Variants in XRN2 observed in about 807,000 individuals in gnomAD.
The protein encoded by XRN2 is 5'-3' exoribonuclease 2, also known as DHM1-like protein.
Under a neutral mutation model 138.5 loss-of-function variants are expected in XRN2, and 44 were observed. That is an observed-to-expected ratio of 0.32 (90% CI 0.25 to 0.41). The LOEUF is 0.41. Among genes scored for constraint, XRN2 ranks in the 10% least tolerant of loss-of-function variants. The pLI, the probability that XRN2 is intolerant of heterozygous loss-of-function variation, is 1.00. For synonymous variants in XRN2, 354 were observed against 369.4 expected (o/e 0.96, Z 0.48); for missense variants, 937 against 1,169.3 (o/e 0.80, Z 2.90).
chr20:21,321,230 C>T (rs2038038404), intron 1 of XRN2, among the ~76,000 whole-genome samples: 1 of 149,576 alleles, frequency 6.7e-6, no homozygotes, highest in Non-Finnish European at 1.5e-5. Flanking sequence ...TGATCCCAAA[C>T]TCCTGGGCTC....
Position 21,344,255 on chromosome 20 carries a change from G to A in XRN2, c.1529+47G>A, listed in dbSNP as rs543222276. 1.4e-6 allele frequency: 2 copies of A among 1,411,822 alleles called. 1 individual carries two copies. Among genetic ancestry groups the A allele is most frequent in the South Asian group, 2.3e-5 (2 of 86,270 alleles). 87.5% of individuals were successfully genotyped at this position (1,411,822 alleles called of 1,614,324 possible). ...ACTTTGTTAGCAAATTGCTGAAATA[G>A]ATGCAGTCTAATTAATGCTATTTAG... On this transcript the variant is annotated intron_variant, in intron 16 of 29. Transcript: ENST00000377191.
At chr20:21,332,181 C>A in intron 8 of XRN2, 102 bp from the exon 9 acceptor site, 1 of 1,391,356 alleles carries the variant, frequency 7.2e-7, no homozygotes, top group Non-Finnish European at 9.6e-7. Context: ...CATTTGGGTG[C>A]TCATTTGGGC....
chr20:21,372,917 A>G (rs1040559685), intron 27 of XRN2, among the ~76,000 whole-genome samples: 7 of 152,148 alleles, frequency 4.6e-5, no homozygotes, highest in Non-Finnish European at 2.9e-5. Flanking sequence ...TTAAAAAGCT[A>G]TTACATGACT....
chr20:21,328,712 G>A, intron 4 of XRN2, 42 bp downstream of exon 4: 2 of 1,582,084 alleles, frequency 1.3e-6, no homozygotes, highest in Non-Finnish European at 1.7e-6. Context: ...TTCATAAGAT[G>A]TATGCAGAAT....
intron 28 of XRN2, among the ~76,000 whole-genome samples, chr20:21,382,758 C>T (rs952995780): frequency 2.6e-5 from 4 of 152,198 alleles, no homozygotes; most frequent in East Asian, 1.9e-4. Flanking sequence ...CTCCTAAGTC[C>T]GATGGACTCT....
intron 9 of XRN2, among the ~76,000 whole-genome samples, chr20:21,332,749 C>T (rs1049876720): frequency 1.3e-4 from 20 of 152,056 alleles, no homozygotes; most frequent in African/African-American, 3.9e-4. Flanking sequence ...AAAACATGCA[C>T]ACACTCATCC....
At chr20:21,351,258 C>A (rs1238517630) in intron 20 of XRN2, among the ~76,000 whole-genome samples, 4 of 152,120 alleles carry the variant, frequency 2.6e-5, no homozygotes, top group Non-Finnish European at 5.9e-5. Flanking sequence ...TCCTCTCCAA[C>A]ATTTGTTATT....
intron 27 of XRN2, among the ~76,000 whole-genome samples, chr20:21,370,724 C>T (rs181664673): frequency 4.1e-4 from 63 of 152,262 alleles, no homozygotes; most frequent in African/African-American, 1.3e-3. Context: ...ATTAACATGG[C>T]ATTTGGATTG....
chr20:21,383,803 CCAGCAGGTTAGTGACAAGT>C (rs2038910721), intron 28 of XRN2, among the ~76,000 whole-genome samples: 1 of 152,106 alleles, frequency 6.6e-6, no homozygotes, highest in Non-Finnish European at 1.5e-5. Flanking sequence ...CTTTGTGAAC[CCAGCAGGTTAGTGACAAGT>C]TTTGTGGGAA....
At chr20:21,358,498 A>G (rs2038600700) in intron 24 of XRN2, among the ~76,000 whole-genome samples, 1 of 152,194 alleles carries the variant, frequency 6.6e-6, no homozygotes, top group Non-Finnish European at 1.5e-5. Context: ...GACTAAAGCA[A>G]ACACATCTCA....
chr20:21,373,412 A>G (rs2038784310), intron 27 of XRN2, among the ~76,000 whole-genome samples: 1 of 152,232 alleles, frequency 6.6e-6, no homozygotes, highest in South Asian at 2.1e-4. Flanking sequence ...AGGTTGCTGG[A>G]TTGGACTGCT....
In XRN2 at chr20:21,365,643, C is replaced by G. The variant is rs1352146116; in HGVS notation, c.2395C>G (p.Leu799Val). 27 of 1,613,270 alleles carry G rather than the reference C, an allele frequency of 1.7e-5. No individual in the cohort carries two copies. The highest frequency in any genetic ancestry group is 2.3e-5 in the Non-Finnish European group (27 of 1,179,942). The part of the protein sequence containing the change: ...SSNGRQWKPQ[L>V]GFNRDRRPVH... ...CAATGGACGGCAGTGGAAGCCTCAG[C>G]TTGGCTTTAACCGTGACCGGAGGCC... Residue 799 changes from leucine to valine, a missense_variant, in exon 26 of 30, where the codon CTT (leucine) becomes GTT (valine). Leu to Val is a conservative substitution (Grantham distance 32). This residue lies in a region of XRN2 where 372 missense variants were observed against 414.4 expected (regional missense o/e 0.90). Coordinates refer to ENST00000377191, the MANE Select transcript of XRN2 (RefSeq NM_012255.5).
At chr20:21,338,592 G>C (rs1206357407) in intron 13 of XRN2, among the ~76,000 whole-genome samples, 1 of 152,124 alleles carries the variant, frequency 6.6e-6, no homozygotes, top group Non-Finnish European at 1.5e-5. Flanking sequence ...TTAGATAACA[G>C]AGTCTAATTA....
At chr20:21,334,947 C>G (rs1372188076) in intron 13 of XRN2, among the ~76,000 whole-genome samples, 3 of 152,124 alleles carry the variant, frequency 2.0e-5, no homozygotes, top group South Asian at 2.1e-4. Context: ...ATTTGAGAAC[C>G]ATTAACTAAT....
intron 24 of XRN2, among the ~76,000 whole-genome samples, chr20:21,363,745 C>G (rs2038663368): frequency 1.3e-5 from 2 of 152,114 alleles, no homozygotes; most frequent in African/African-American, 4.8e-5. Flanking sequence ...TCAACCAGGT[C>G]AATAAAACTT....
chr20:21,387,017 G>T lies in XRN2; in HGVS notation c.2787+11G>T. 6.2e-7 allele frequency: 1 copy of T among 1,602,838 alleles called. No individual in the cohort carries two copies. Among genetic ancestry groups the T allele is most frequent in the Non-Finnish European group, 8.5e-7 (1 of 1,170,722 alleles). ...CGTGGAGGGAGACAGGTAAATGGTT[G>T]TGGGATGAAAAGTATACTGCTCACT... On this transcript the variant is annotated intron_variant, in intron 29 of 29. Coordinates refer to ENST00000377191, the MANE Select transcript of XRN2 (RefSeq NM_012255.5).
intron 15 of XRN2, among the ~76,000 whole-genome samples, chr20:21,343,745 C>T (rs1161026383): frequency 6.6e-6 from 1 of 151,728 alleles, no homozygotes; most frequent in Admixed American, 6.6e-5. Flanking sequence ...CTGATTGTCA[C>T]AAATGATTGT....
chr20:21,386,868 A>C lies in XRN2; in HGVS notation c.2649A>C (p.Arg883Ser). The C allele has an allele frequency of 6.2e-7, 1 of 1,609,530 alleles. No individual in the cohort carries two copies. Among genetic ancestry groups the C allele is most frequent in the Non-Finnish European group, 8.5e-7 (1 of 1,176,238 alleles). Residue 883 changes from arginine to serine, a missense_variant and splice_region_variant, in exon 29 of 30, where the codon AGA becomes AGC. Coordinates refer to ENST00000377191, the MANE Select transcript of XRN2 (RefSeq NM_012255.5). ...PPLFQQQRFD[R>S]GVGAEPLLPW... ...ATGTAAAACTGGTACTTTCCTACAG[A>C]GGCGTTGGGGCTGAACCTCTGCTCC...
chr20:21,344,560 T>C (rs548955153), intron 16 of XRN2, among the ~76,000 whole-genome samples: 5 of 152,320 alleles, frequency 3.3e-5, no homozygotes, highest in African/African-American at 1.2e-4. Flanking sequence ...TTCAAGCTGC[T>C]TAACCTAGAA....
Sources: gnomAD v4.1 joint callset for allele counts (sites outside exome capture counted in the v4.1 genomes callset) on GRCh38, gnomAD v4.1.1 for gene constraint, gnomAD v4.1.1 regional missense constraint, MANE v1.5 for transcripts, NCBI Gene and HGNC (gene_info 2026-07-23, HGNC 2026-07-21) for gene names.